Variants in SLC1A6 observed in about 807,000 individuals in gnomAD.
SLC1A6 encodes the protein solute carrier family 1 member 6.
Under a neutral mutation model 42.1 loss-of-function variants are expected in SLC1A6, and 15 were observed. The observed-to-expected ratio is 0.36, with a 90% confidence interval of 0.24 to 0.55. The LOEUF (loss-of-function observed/expected upper bound fraction) is 0.55. Ranked by LOEUF, SLC1A6 falls within the 20% of genes least tolerant of loss-of-function variation. The pLI is 0.88. For missense variants in SLC1A6, 542 were observed against 772.5 expected, an observed-to-expected ratio of 0.70 and a Z score of 3.54; for synonymous variants, 317 against 319.7, an observed-to-expected ratio of 0.99 and a Z score of 0.09.
At chr19:14,967,854 T>A (rs997771916) in intron 4 of SLC1A6, among the ~76,000 whole-genome samples, 5 of 152,202 alleles carry the variant, frequency 3.3e-5, no homozygotes, top group African/African-American at 1.2e-4. Flanking sequence ...TTTCAGTAAC[T>A]TTCTCCTGAT....
At position 14,968,285 on chromosome 19, in the gene SLC1A6, T is replaced by G; in HGVS notation, c.548+18A>C. The G allele has an allele frequency of 1.3e-6, 2 of 1,590,058 alleles. No homozygotes were observed. Among genetic ancestry groups the G allele is most frequent in the Non-Finnish European group, 1.7e-6 (2 of 1,163,076 alleles). ...CCTTTTTCAAATGTGTATATTGTGGTTTTTTAGGTTGGCACACCTGATCAG... is the reference window on the plus strand; with the variant it reads ...CCTTTTTCAAATGTGTATATTGTGGGTTTTTAGGTTGGCACACCTGATCAG... On this transcript the variant is annotated intron_variant, in intron 4 of 9. Transcript: ENST00000594383.
chr19:14,975,888 AGGG>A (rs1264016799), intron 1 of SLC1A6, among the ~76,000 whole-genome samples: 13 of 89,386 alleles, frequency 1.5e-4, no homozygotes, highest in East Asian at 1.1e-3. Context: ...AGGGAAGGGA[AGGG>A]AAGGAAAGGG....
In SLC1A6 at chr19:14,979,067, C is replaced by T. The variant is rs1315801568; in HGVS notation, c.-8+242G>A. Among the ~76,000 whole-genome samples the T allele has an allele frequency of 7.3e-5, 11 of 149,852 alleles. No individual in the cohort carries two copies. Among genetic ancestry groups the T allele is most frequent in the African/African-American group, 2.2e-4 (9 of 40,678 alleles). On this transcript the variant is annotated intron_variant, in intron 1 of 9. Coordinates refer to ENST00000594383, the MANE Select transcript of SLC1A6 (RefSeq NM_005071.3). The surrounding 1 kb of genome is among the most constrained non-coding windows in gnomAD (Gnocchi z 4.2). The stretch of plus-strand genomic sequence containing the variant: ...TCTCTCTGTCACACACACACACACA[C>T]ACACACACACACACACACACACACA...
In SLC1A6 at chr19:14,971,757, A is replaced by G; in HGVS notation, c.323T>C (p.Ile108Thr). The change falls in exon 3 of 10, where the codon ATT (isoleucine) becomes ACT (threonine). Residue 108 changes from isoleucine (I) to threonine (T), a missense_variant. Physicochemically the swap from Ile to Thr is moderately conservative, Grantham distance 89. Transcript: ENST00000594383. ...CTCACCTGTGACCAGGCTGGAGACA[A>G]TGAGAGGTAACACCAGCATCTGCAG... is the stretch of plus-strand genomic sequence containing the variant. ...RMLQMLVLPL[I>T]VSSLVTGMAS... 6.2e-7 allele frequency: 1 copy of G among 1,614,150 alleles called. No individual in the cohort carries two copies. Among genetic ancestry groups the G allele is most frequent in the Non-Finnish European group, 8.5e-7 (1 of 1,180,022 alleles).
At chr19:14,962,456 T>C (rs535207704) in intron 5 of SLC1A6, 111 bp from the exon 6 acceptor site, 3 of 726,264 alleles carry the variant, frequency 4.1e-6, no homozygotes, top group Admixed American at 4.9e-5. Context: ...GGAAGATCGA[T>C]AAGATCTTCA....
chr19:14,997,125 A>G (rs1015399697), intron 1 of SLC1A6, among the ~76,000 whole-genome samples: 1 of 152,180 alleles, frequency 6.6e-6, no homozygotes, highest in African/African-American at 2.4e-5. Flanking sequence ...GGCAAAGGAC[A>G]GACAAAACTC....
At chr19:14,991,827 C>A (rs937489173) in intron 1 of SLC1A6, among the ~76,000 whole-genome samples, 2 of 144,786 alleles carry the variant, frequency 1.4e-5, no homozygotes, top group African/African-American at 5.2e-5. Flanking sequence ...CCTACTTTTC[C>A]TTCTGCTTTT....
chr19:14,972,434 A>AGT (rs35468001), intron 2 of SLC1A6, among the ~76,000 whole-genome samples: 80,294 of 151,988 alleles, frequency 0.53, 21,425 homozygotes, highest in East Asian at 0.68. Context: ...TGCATAGTAA[A>AGT]GTGTTTGTAC....
At chr19:14,953,375 C>T (rs1390063459) in intron 8 of SLC1A6, among the ~76,000 whole-genome samples, 1 of 151,422 alleles carries the variant, frequency 6.6e-6, no homozygotes, top group East Asian at 2.0e-4. Context: ...CCCACCTTAA[C>T]CTCCTGAGTA....
chr19:15,001,009 A>G (rs746098784), intron 1 of SLC1A6, among the ~76,000 whole-genome samples: 9 of 152,228 alleles, frequency 5.9e-5, no homozygotes, highest in Non-Finnish European at 1.2e-4. Context: ...AGATGTTTGA[A>G]GGTTGAACAG....
chr19:14,968,540 C>G, intron 3 of SLC1A6, 33 bp from the exon 4 acceptor site: 2 of 1,550,654 alleles, frequency 1.3e-6, no homozygotes, highest in Non-Finnish European at 1.8e-6. Context: ...CCCGCAGCTC[C>G]ATGCATACCC....
At chr19:14,971,628 A>T in intron 3 of SLC1A6, 109 bp downstream of exon 3, 1 of 1,073,274 alleles carries the variant, frequency 9.3e-7, no homozygotes, top group Non-Finnish European at 1.4e-6. Context: ...TCCATGTTTG[A>T]GGTGCCGCGT....
chr19:14,991,321 T>C (rs2045818809), intron 1 of SLC1A6, among the ~76,000 whole-genome samples: 1 of 152,134 alleles, frequency 6.6e-6, no homozygotes, highest in African/African-American at 2.4e-5. Flanking sequence ...CTGGGAATTG[T>C]ACTCTTTAAA....
In SLC1A6 at chr19:14,961,683, A is replaced by G. The variant is rs546921243; in HGVS notation, c.935+319T>C. ...TGAATGAGTGATTTCATCAATGCAT[A>G]GAAGAATGAGTGAATGAACAGATGA... On this transcript the variant is annotated intron_variant, in intron 6 of 9. Transcript: ENST00000594383. 5 of 292,648 alleles carry G rather than the reference A, an allele frequency of 1.7e-5. No individual in the cohort carries two copies. The South Asian group carries it at 2.2e-4, about 13-fold the overall frequency. The allele number at this position is 292,648 out of a possible 1,614,324, so 18.1% of individuals were successfully genotyped here.
intron 6 of SLC1A6, 24 bp from the exon 7 acceptor site, chr19:14,956,733 G>A (rs773594545): frequency 1.1e-5 from 17 of 1,513,800 alleles, no homozygotes; most frequent in Non-Finnish European, 1.5e-5. Flanking sequence ...CCACATACCT[G>A]TCAGGGCTCC....
intron 1 of SLC1A6, among the ~76,000 whole-genome samples, chr19:15,007,467 G>T (rs2045901210): frequency 6.6e-6 from 1 of 152,042 alleles, no homozygotes; most frequent in Admixed American, 6.6e-5. Context: ...GATACAAGTG[G>T]TGATTGCACC....
intron 4 of SLC1A6, 126 bp from the exon 5 acceptor site, chr19:14,964,487 G>C: frequency 1.3e-6 from 1 of 776,226 alleles, no homozygotes; most frequent in Non-Finnish European, 2.3e-6. Context: ...CTCTAGGCTG[G>C]GCACTGAGCA....
At chr19:14,961,729 T>C (rs938058650) in intron 6 of SLC1A6, 15 of 413,714 alleles carry the variant, frequency 3.6e-5, no homozygotes, top group Non-Finnish European at 5.2e-5. Context: ...GAATGAATCA[T>C]TGCAGAAGGA....
At chr19:14,984,615 G>T (rs1034423333), upstream of SLC1A6, among the ~76,000 whole-genome samples, 2 of 152,180 alleles carry the variant, frequency 1.3e-5, no homozygotes, top group Non-Finnish European at 2.9e-5. Flanking sequence ...CCCTGTCCGT[G>T]AATTCTTGCA....
Sources: allele counts gnomAD v4.1 joint callset (sites outside exome capture counted in the v4.1 genomes callset), GRCh38; gene constraint gnomAD v4.1.1; non-coding constraint Gnocchi (gnomAD v3.1); transcripts MANE v1.5; gene names NCBI Gene and HGNC (gene_info 2026-07-23, HGNC 2026-07-21).